CCNY: variants seen among roughly 807,000 people sequenced by gnomAD.
CCNY encodes the protein cyclin-Y.
CCNY carries 19 observed loss-of-function variants against 42.8 expected under a neutral mutation model. The ratio of observed to expected loss-of-function variants is 0.44; its 90% CI spans 0.31 to 0.65. The LOEUF (loss-of-function observed/expected upper bound fraction) is 0.65. CCNY is among the 30% of genes least tolerant of loss of function. CCNY has a pLI of 0.07. For synonymous variants in CCNY, 165 were observed against 162.7 expected (o/e 1.01, Z -0.11); for missense variants, 370 against 437.3 (o/e 0.85, Z 1.37).
intron 3 of CCNY, among the ~76,000 whole-genome samples, chr10:35,302,483 G>T (rs550898825): frequency 4.6e-5 from 7 of 151,638 alleles, no homozygotes; most frequent in African/African-American, 2.4e-5. Flanking sequence ...GCTAATTTTT[G>T]TATTTTTGGT....
intron 1 of CCNY, among the ~76,000 whole-genome samples, chr10:35,480,565 C>T (rs1839645646): frequency 6.6e-6 from 1 of 152,182 alleles, no homozygotes; most frequent in South Asian, 2.1e-4. Context: ...TCAGGGAGAG[C>T]TTCAGGGCAT....
At chr10:35,484,744 C>T (rs1306110465) in intron 2 of CCNY, among the ~76,000 whole-genome samples, 1 of 152,106 alleles carries the variant, frequency 6.6e-6, no homozygotes, top group East Asian at 1.9e-4. Context: ...AAACAAGAAA[C>T]ATAGTACTAT....
At chr10:35,449,339 T>C (rs1374558724) in intron 1 of CCNY, among the ~76,000 whole-genome samples, 2 of 150,948 alleles carry the variant, frequency 1.3e-5, no homozygotes, top group Non-Finnish European at 3.0e-5. Flanking sequence ...GGGAGACATT[T>C]TGAGGAGAAA....
intron 1 of CCNY, among the ~76,000 whole-genome samples, chr10:35,460,592 T>C (rs957846765): frequency 3.1e-4 from 47 of 152,232 alleles, no homozygotes; most frequent in African/African-American, 1.1e-3. Context: ...ATTATAAATA[T>C]GATTTGAACA....
chr10:35,291,385 C>T (rs1835411638), intron 3 of CCNY, among the ~76,000 whole-genome samples: 1 of 152,070 alleles, frequency 6.6e-6, no homozygotes, highest in South Asian at 2.1e-4. Flanking sequence ...ATTATTAGTA[C>T]ATTATTTCTT....
chr10:35,464,921 T>C (rs1025544825), intron 1 of CCNY, among the ~76,000 whole-genome samples: 2 of 152,230 alleles, frequency 1.3e-5, no homozygotes, highest in African/African-American at 4.8e-5. Context: ...TTCATAAATA[T>C]TGCCCCATAG....
chr10:35,479,987 T>A (rs1428903300), intron 1 of CCNY, among the ~76,000 whole-genome samples: 1 of 151,864 alleles, frequency 6.6e-6, no homozygotes, highest in Non-Finnish European at 1.5e-5. Context: ...GAATGGTGGC[T>A]TTTCCCCTTT....
At position 35,292,447 on chromosome 10, in the gene CCNY, T is replaced by C. The variant is rs529805603; in HGVS notation, c.-9+41821T>C. ...GGCACGATCTCGGCTCACTGCAACC[T>C]GCACCTCCTGGGTTCAAGCAATTCT... On this transcript the variant is annotated intron_variant, in intron 3 of 11. Transcript: ENST00000374706. Among the ~76,000 whole-genome samples the C allele has an allele frequency of 4.6e-5, 7 of 152,312 alleles. No individual in the cohort carries two copies. In the East Asian group the frequency reaches 1.4e-3, roughly 29 times the overall value.
At chr10:35,390,264 TG>T (rs1837386716) in intron 1 of CCNY, among the ~76,000 whole-genome samples, 2 of 152,318 alleles carry the variant, frequency 1.3e-5, no homozygotes, top group South Asian at 4.1e-4. Flanking sequence ...AAACCTAGGA[TG>T]GCAAAACACC....
At chr10:35,353,655 C>G (rs958017676) in intron 1 of CCNY, among the ~76,000 whole-genome samples, 3 of 152,200 alleles carry the variant, frequency 2.0e-5, no homozygotes, top group Admixed American at 2.0e-4. Flanking sequence ...TCTTCTGATA[C>G]TGGGGTCAGA....
chr10:35,385,313 T>TCTCC (rs1195298150), intron 1 of CCNY, among the ~76,000 whole-genome samples: 3 of 152,196 alleles, frequency 2.0e-5, no homozygotes, highest in African/African-American at 4.8e-5. Context: ...ATGCGAGTGG[T>TCTCC]CTCCCTCCCT....
Position 35,406,693 on chromosome 10 carries a change from A to G in CCNY, c.154+69486A>G, listed in dbSNP as rs1358884326. Among the ~76,000 whole-genome samples the G allele has an allele frequency of 3.9e-5, 6 of 151,956 alleles. No individual in the cohort carries two copies. The East Asian group carries it at 7.7e-4, about 20-fold the overall frequency. ...TTTTCCCCACCTTTCCCCCCTTTCTATTCCACAAAACTGCCACTGTCATCA... is the reference window on the plus strand; with the variant it reads ...TTTTCCCCACCTTTCCCCCCTTTCTGTTCCACAAAACTGCCACTGTCATCA... On this transcript the variant is annotated intron_variant, in intron 1 of 9. Coordinates refer to ENST00000374704, the MANE Select transcript of CCNY (RefSeq NM_145012.6).
chr10:35,262,559 A>G (rs1446054031), intron 3 of CCNY, among the ~76,000 whole-genome samples: 1 of 151,830 alleles, frequency 6.6e-6, no homozygotes, highest in African/African-American at 2.4e-5. Flanking sequence ...ATGGGGTTTC[A>G]CCATATTGGT....
intron 3 of CCNY, among the ~76,000 whole-genome samples, chr10:35,279,110 GTTTTTTTT>G (rs869276523): frequency 1.9e-5 from 2 of 102,810 alleles, no homozygotes; most frequent in Admixed American, 2.1e-4. Flanking sequence ...AGCTTTCAAT[GTTTTTTTT>G]TTTTTTTTTT....
intron 3 of CCNY, among the ~76,000 whole-genome samples, chr10:35,290,735 G>A (rs1835404011): frequency 6.6e-6 from 1 of 152,096 alleles, no homozygotes; most frequent in African/African-American, 2.4e-5. Context: ...GCCAAGGTGG[G>A]AGGATTGCTT....
intron 3 of CCNY, among the ~76,000 whole-genome samples, chr10:35,250,790 A>C (rs1364095641): frequency 1.3e-5 from 2 of 152,196 alleles, no homozygotes; most frequent in Non-Finnish European, 2.9e-5. Context: ...CAGTAAATGA[A>C]AATACATCTG....
intron 1 of CCNY, among the ~76,000 whole-genome samples, chr10:35,433,207 C>T (rs1589118331): frequency 6.6e-6 from 1 of 152,102 alleles, no homozygotes; most frequent in Non-Finnish European, 1.5e-5. Context: ...AAGATACTAC[C>T]TGTAAACTAA....
At position 35,412,991 on chromosome 10, in the gene CCNY, G is replaced by A. The variant is rs940383744; in HGVS notation, c.155-70413G>A. ...TAGTGGACTGCTTCCTGGGGGCCAT[G>A]TTTTGCTTGCTGCTGTATCTCCAGT... On this transcript the variant is annotated intron_variant, in intron 1 of 9. Coordinates refer to ENST00000374704, the MANE Select transcript of CCNY (RefSeq NM_145012.6). Among the ~76,000 whole-genome samples, 3 of 151,592 alleles carry A rather than the reference G, an allele frequency of 2.0e-5. No homozygotes were observed. In the East Asian group the frequency reaches 5.8e-4, roughly 30 times the overall value.
chr10:35,423,222 G>A (rs1375762142), intron 1 of CCNY, among the ~76,000 whole-genome samples: 1 of 151,938 alleles, frequency 6.6e-6, no homozygotes, highest in East Asian at 1.9e-4. Flanking sequence ...CACCTGTAAT[G>A]TCAACACTTC....
Sources: gnomAD v4.1 joint callset for allele counts (sites outside exome capture counted in the v4.1 genomes callset) on GRCh38, gnomAD v4.1.1 for gene constraint, MANE v1.5 for transcripts, NCBI Gene and HGNC (gene_info 2026-07-23, HGNC 2026-07-21) for gene names.